GMDS: variants seen among roughly 807,000 people sequenced by gnomAD.
The protein encoded by GMDS is GDP-mannose 4,6-dehydratase, also known as GDP-mannose 4,6 dehydratase.
Under a neutral mutation model 49.9 loss-of-function variants are expected in GMDS, and 20 were observed. That is an observed-to-expected ratio of 0.40 (90% CI 0.28 to 0.58). The LOEUF (loss-of-function observed/expected upper bound fraction) is 0.58, where lower values mean the gene tolerates loss of function less well. Among genes scored for constraint, GMDS ranks in the 20% least tolerant of loss-of-function variants. GMDS has a pLI of 0.42. For missense variants in GMDS, 362 were observed against 481.4 expected (o/e 0.75, Z 2.32); for synonymous variants, 177 against 178.6 (o/e 0.99, Z 0.07).
At chr6:2,024,207 A>G (rs547627867) in intron 4 of GMDS, among the ~76,000 whole-genome samples, 2 of 152,314 alleles carry the variant, frequency 1.3e-5, no homozygotes, top group Admixed American at 1.3e-4. Context: ...ACTAGCCAAA[A>G]TACTATTCAA....
intron 4 of GMDS, among the ~76,000 whole-genome samples, chr6:2,091,068 T>C (rs979481697): frequency 2.0e-5 from 3 of 152,202 alleles, no homozygotes; most frequent in African/African-American, 7.2e-5. Context: ...ACTAAATTGC[T>C]TCTTGGTTTA....
chr6:1,755,287 A>C (rs1322690687), intron 7 of GMDS, among the ~76,000 whole-genome samples: 1 of 152,232 alleles, frequency 6.6e-6, no homozygotes, highest in Non-Finnish European at 1.5e-5. Context: ...ATTGCTACAA[A>C]GAGAATAAAA....
chr6:2,057,692 G>T (rs1581584294), intron 4 of GMDS, among the ~76,000 whole-genome samples: 1 of 152,156 alleles, frequency 6.6e-6, no homozygotes, highest in African/African-American at 2.4e-5. Flanking sequence ...AGAAATAAAT[G>T]CAGGGAGGTA....
In GMDS at chr6:1,930,342, A is replaced by G; in HGVS notation, c.644-112T>C. 3 of 722,324 alleles carry G rather than the reference A, an allele frequency of 4.2e-6. No individual in the cohort carries two copies. In the South Asian group the frequency reaches 5.9e-5, roughly 14 times the overall value. The allele number at this position is 722,324 out of a possible 1,614,324, so 44.7% of individuals were successfully genotyped here. A position where few individuals can be genotyped will look rare whatever the true frequency, so the allele number is the denominator to read the frequency against. ...GGCATTTCTTTCATTCTACACTCCC[A>G]GCCACCCTGTTAAAACAATAAAAGA... On this transcript the variant is annotated intron_variant, in intron 6 of 10. Coordinates refer to ENST00000380815, the MANE Select transcript of GMDS (RefSeq NM_001500.4).
intron 4 of GMDS, among the ~76,000 whole-genome samples, chr6:2,044,139 T>C (rs1581563732): frequency 6.6e-6 from 1 of 152,170 alleles, no homozygotes; most frequent in Admixed American, 6.5e-5. Context: ...TCAAACACTG[T>C]GAAAAGCAGT....
intron 4 of GMDS, among the ~76,000 whole-genome samples, chr6:1,988,758 A>G (rs1765728564): frequency 6.6e-6 from 1 of 152,204 alleles, no homozygotes; most frequent in Non-Finnish European, 1.5e-5. Flanking sequence ...ATAAATCAAT[A>G]TTTTAAAATG....
intron 9 of GMDS, among the ~76,000 whole-genome samples, chr6:1,664,438 CCGT>C (rs1764176558): frequency 6.6e-6 from 1 of 152,164 alleles, no homozygotes; most frequent in Admixed American, 6.5e-5. Flanking sequence ...ACATGGGAGA[CCGT>C]GAGTATTCTC....
intron 4 of GMDS, among the ~76,000 whole-genome samples, chr6:2,057,807 T>C (rs1473508528): frequency 3.9e-5 from 6 of 152,360 alleles, no homozygotes; most frequent in Non-Finnish European, 8.8e-5. Context: ...AGAAATATTC[T>C]GTATCAATGC....
intron 4 of GMDS, among the ~76,000 whole-genome samples, chr6:2,082,362 A>G (rs1346763872): frequency 1.3e-5 from 2 of 152,032 alleles, no homozygotes; most frequent in Non-Finnish European, 2.9e-5. Context: ...CAGTCAACAG[A>G]AGGAGACAAA....
At chr6:1,900,572 CAT>C (rs1760449960) in intron 7 of GMDS, among the ~76,000 whole-genome samples, 1 of 152,176 alleles carries the variant, frequency 6.6e-6, no homozygotes, top group Non-Finnish European at 1.5e-5. Context: ...AAAAAGTACA[CAT>C]ATCACAAGCA....
chr6:1,686,259 T>C (rs1411542853), intron 9 of GMDS, among the ~76,000 whole-genome samples: 2 of 152,052 alleles, frequency 1.3e-5, no homozygotes, highest in African/African-American at 4.8e-5. Flanking sequence ...TCAGTTGGTG[T>C]TATGACTTGT....
chr6:1,758,228 G>A (rs1023337924), intron 7 of GMDS, among the ~76,000 whole-genome samples: 12 of 152,236 alleles, frequency 7.9e-5, no homozygotes, highest in African/African-American at 2.9e-4. Flanking sequence ...CAGCACGGCT[G>A]GAGGAATAAT....
chr6:2,105,642 C>T (rs1774201318), intron 4 of GMDS, among the ~76,000 whole-genome samples: 1 of 152,148 alleles, frequency 6.6e-6, no homozygotes. Context: ...GAAGAATGTC[C>T]TAAAAGGTTT....
At chr6:1,743,346 G>A (rs916415029) in intron 7 of GMDS, among the ~76,000 whole-genome samples, 1 of 151,908 alleles carries the variant, frequency 6.6e-6, no homozygotes, top group African/African-American at 2.4e-5. Context: ...GAGGTCAGGA[G>A]ATCGAGACCA....
chr6:1,747,494 A>ACG (rs1561777896), intron 7 of GMDS, among the ~76,000 whole-genome samples: 6 of 150,346 alleles, frequency 4.0e-5, no homozygotes. Flanking sequence ...GTGCGCGCAC[A>ACG]CACACACACA....
At chr6:2,136,501 G>A (rs1776008488) in intron 1 of GMDS, among the ~76,000 whole-genome samples, 1 of 152,200 alleles carries the variant, frequency 6.6e-6, no homozygotes, top group African/African-American at 2.4e-5. Flanking sequence ...GCCAAAGTAT[G>A]GCTTGAGGCC....
At chr6:2,096,979 T>C (rs926877852) in intron 4 of GMDS, among the ~76,000 whole-genome samples, 2 of 152,106 alleles carry the variant, frequency 1.3e-5, no homozygotes, top group Admixed American at 1.3e-4. Flanking sequence ...GTCTTTTTTA[T>C]ATAGTCACTA....
At chr6:1,920,765 G>A (rs1478403429) in intron 7 of GMDS, among the ~76,000 whole-genome samples, 1 of 152,180 alleles carries the variant, frequency 6.6e-6, no homozygotes, top group Non-Finnish European at 1.5e-5. Context: ...GAGACAGGTG[G>A]GGAGCAGGGC....
chr6:1,770,933 T>C (rs1768554396), intron 7 of GMDS, among the ~76,000 whole-genome samples: 2 of 152,236 alleles, frequency 1.3e-5, no homozygotes, highest in Admixed American at 1.3e-4. Flanking sequence ...TGTGAGTTTA[T>C]GAAAAGTGTT....
Sources: allele counts gnomAD v4.1 joint callset (sites outside exome capture counted in the v4.1 genomes callset), GRCh38; gene constraint gnomAD v4.1.1; transcripts MANE v1.5; gene names NCBI Gene and HGNC (gene_info 2026-07-23, HGNC 2026-07-21).